Variants in TOPBP1 observed in about 807,000 individuals in gnomAD.
The protein encoded by TOPBP1 is DNA topoisomerase II binding protein 1.
Under a neutral mutation model 167.7 loss-of-function variants are expected in TOPBP1, and 28 were observed. That is an observed-to-expected ratio of 0.17 (90% CI 0.12 to 0.23). The LOEUF is 0.23. TOPBP1 is among the 10% of genes least tolerant of loss of function. The probability of loss-of-function intolerance (pLI) is 1.00; values close to 1 mark genes in which losing one functional copy is unlikely to be tolerated. For missense variants in TOPBP1, 1,554 were observed against 1,809.6 expected (o/e 0.86, Z 2.56); for synonymous variants, 598 against 611.4 (o/e 0.98, Z 0.32).
At chr3:133,615,094 A>G (rs1934821088) in intron 23 of TOPBP1, among the ~76,000 whole-genome samples, 1 of 150,182 alleles carries the variant, frequency 6.7e-6, no homozygotes, top group Non-Finnish European at 1.5e-5. Context: ...TTTTTAAAGC[A>G]TATCATAGTT....
At chr3:133,611,212 C>T in intron 24 of TOPBP1, 71 bp from the exon 25 acceptor site, 1 of 1,399,260 alleles carries the variant, frequency 7.1e-7, no homozygotes, top group Non-Finnish European at 9.6e-7. Context: ...CAGGGCTCCT[C>T]AAGGAGCCCA....
chr3:133,650,013 T>C, intron 8 of TOPBP1, 70 bp from the exon 9 acceptor site: 1 of 1,275,220 alleles, frequency 7.8e-7, no homozygotes, highest in Middle Eastern at 2.2e-4. Context: ...AAAATATATA[T>C]CTAAATCCAC....
rs559330359 is a variant in TOPBP1 at position 133,612,446 on chromosome 3, C to A, written c.3978G>T (p.Lys1326Asn). ...EKYLASVAAG[K>N]WVLHRSYLEA... ...CAAGGTAGGAGCGATGAAGCACCCACTTCCCAGCTGCCACTGAGGCTAAAT... is the reference window on the plus strand; with the variant it reads ...CAAGGTAGGAGCGATGAAGCACCCAATTCCCAGCTGCCACTGAGGCTAAAT... Residue 1326 changes from lysine to asparagine, a missense_variant, in exon 24 of 28, where the codon AAG (lysine) becomes AAT (asparagine). This residue lies in a region of TOPBP1 where 351 missense variants were observed against 432.9 expected (regional missense o/e 0.81). Coordinates refer to ENST00000260810, the MANE Select transcript of TOPBP1 (RefSeq NM_007027.4). The A allele has an allele frequency of 4.3e-6, 7 of 1,613,996 alleles. No individual in the cohort carries two copies. The highest frequency in any genetic ancestry group is 5.9e-6 in the Non-Finnish European group (7 of 1,179,870).
chr3:133,607,187 G>C (rs1934522513), intron 27 of TOPBP1, among the ~76,000 whole-genome samples: 1 of 152,046 alleles, frequency 6.6e-6, no homozygotes, highest in Admixed American at 6.5e-5. Flanking sequence ...TCAGATTTTG[G>C]AATATTTATA....
intron 5 of TOPBP1, among the ~76,000 whole-genome samples, chr3:133,656,043 G>A (rs1936469227): frequency 6.6e-6 from 1 of 151,342 alleles, no homozygotes; most frequent in Non-Finnish European, 1.5e-5. Flanking sequence ...TAATTCGTAT[G>A]CCAATACAAT....
chr3:133,620,039 A>G (rs1477227960), intron 20 of TOPBP1, 116 bp downstream of exon 20: 4 of 1,139,724 alleles, frequency 3.5e-6, no homozygotes, highest in Non-Finnish European at 4.8e-6. Flanking sequence ...CATATTGGGG[A>G]AAAAAAGAAA....
chr3:133,628,285 T>A, intron 16 of TOPBP1, 77 bp downstream of exon 16: 1 of 1,281,246 alleles, frequency 7.8e-7, no homozygotes, highest in Non-Finnish European at 1.1e-6. Context: ...TGTATTCTTG[T>A]AGATGCTCAC....
rs555643128 is a variant in TOPBP1, at chr3:133,625,243, G to A, written c.2805-1068C>T. On this transcript the variant is annotated intron_variant, in intron 16 of 27. Coordinates refer to ENST00000260810, the MANE Select transcript of TOPBP1 (RefSeq NM_007027.4). The stretch of plus-strand genomic sequence containing the variant: ...CGCTCCCAAAGTGCTGGGATTACAC[G>A]CATGAGCCACCGTGCCCGGCCGCTA... 2.0e-5 allele frequency among the ~76,000 whole-genome samples: 3 copies of A among 152,310 alleles called. No individual in the cohort carries two copies. The East Asian group carries it at 5.8e-4, about 29-fold the overall frequency.
intron 27 of TOPBP1, among the ~76,000 whole-genome samples, chr3:133,601,899 CAAGT>C (rs1347512627): frequency 1.3e-5 from 2 of 152,030 alleles, no homozygotes; most frequent in Non-Finnish European, 2.9e-5. Context: ...CACAAAATAC[CAAGT>C]AAGTGCCTTT....
chr3:133,653,396 T>C lies in TOPBP1; in HGVS notation c.871A>G (p.Lys291Glu), dbSNP rs764761556. 6.2e-7 allele frequency: 1 copy of C among 1,612,440 alleles called. No homozygotes were observed. Residue 291 changes from lysine to glutamate, a missense_variant, in exon 7 of 28, where the codon AAG (lysine) becomes GAG (glutamate). Coordinates refer to ENST00000260810, the MANE Select transcript of TOPBP1 (RefSeq NM_007027.4). ...IYKTEPRPEA[K>E]TMPNSSTPTS... is the part of the protein sequence containing the mutation. ...GGAGTTGAAGAATTGGGCATAGTCTTTGCTTCTGGTCTAGGTTCTGTCTTG... is the reference window on the plus strand; with the variant it reads ...GGAGTTGAAGAATTGGGCATAGTCTCTGCTTCTGGTCTAGGTTCTGTCTTG...
intron 14 of TOPBP1, among the ~76,000 whole-genome samples, chr3:133,630,528 G>T (rs570006224): frequency 4.6e-5 from 7 of 151,894 alleles, no homozygotes; most frequent in Non-Finnish European, 8.8e-5. Context: ...AAACTCCTAG[G>T]CTCAAGCAAT....
intron 14 of TOPBP1, among the ~76,000 whole-genome samples, chr3:133,636,683 T>A (rs1444895051): frequency 6.6e-6 from 1 of 152,200 alleles, no homozygotes; most frequent in Non-Finnish European, 1.5e-5. Context: ...CCAATATTAT[T>A]ACATTTGCTC....
intron 2 of TOPBP1, among the ~76,000 whole-genome samples, chr3:133,660,448 A>T (rs1383182976): frequency 6.6e-6 from 1 of 152,262 alleles, no homozygotes; most frequent in Non-Finnish European, 1.5e-5. Flanking sequence ...TGAACACTTC[A>T]ATAAATACTT....
rs1179203888 is a variant in TOPBP1, at chr3:133,601,222, A to G, written c.*28T>C. The G allele has an allele frequency of 6.4e-7, 1 of 1,567,662 alleles. No homozygotes were observed. The highest frequency in any genetic ancestry group is 8.6e-7 in the Non-Finnish European group (1 of 1,163,762). On this transcript the variant is annotated 3_prime_UTR_variant, in exon 28 of 28. Coordinates refer to ENST00000260810, the MANE Select transcript of TOPBP1 (RefSeq NM_007027.4). ...GGCTTTCAATTTTTAAAAACATTTA[A>G]TGTTTGGTAACTAAAGGGTAGATGC...
At chr3:133,612,733 T>C (rs1307130363) in intron 23 of TOPBP1, among the ~76,000 whole-genome samples, 181 bp from the exon 24 acceptor site, 2 of 152,042 alleles carry the variant, frequency 1.3e-5, no homozygotes, top group Non-Finnish European at 2.9e-5. Context: ...TATTAAAATG[T>C]TTATTATGAA....
At chr3:133,634,612 T>C (rs920535642) in intron 14 of TOPBP1, among the ~76,000 whole-genome samples, 48 of 152,190 alleles carry the variant, frequency 3.2e-4, no homozygotes, top group Middle Eastern at 3.4e-3. Flanking sequence ...TAGATTGGCA[T>C]CAGATTTTTT....
At chr3:133,646,651 CAA>C (rs561099781) in intron 10 of TOPBP1, among the ~76,000 whole-genome samples, 53 of 100,196 alleles carry the variant, frequency 5.3e-4, no homozygotes, top group Admixed American at 5.5e-4. Flanking sequence ...ACCCTGTCTC[CAA>C]AAAAAAAAAA....
In TOPBP1 at chr3:133,649,913, G is replaced by A. The variant is rs1936226759; in HGVS notation, c.1120C>T (p.Leu374=). ...IYLCGFSGRK[L]DKLRRLINSG... The stretch of plus-strand genomic sequence containing the variant: ...TTAATAAGTCTTCTCAGTTTATCTA[G>A]CTTTCTGCCACTAAAACCGCAAAGA... Residue 374 remains leucine, a synonymous_variant, in exon 9 of 28, where the codon CTA becomes TTA. Coordinates refer to ENST00000260810, the MANE Select transcript of TOPBP1 (RefSeq NM_007027.4). 2 of 1,602,488 alleles carry A rather than the reference G, an allele frequency of 1.2e-6. No homozygotes were observed.
At chr3:133,619,296 G>A (rs1935007945) in intron 20 of TOPBP1, among the ~76,000 whole-genome samples, 1 of 152,026 alleles carries the variant, frequency 6.6e-6, no homozygotes, top group African/African-American at 2.4e-5. Context: ...GATAAAACAT[G>A]ATCTGAAGCA....
Sources: allele counts gnomAD v4.1 joint callset (sites outside exome capture counted in the v4.1 genomes callset), GRCh38; gene constraint gnomAD v4.1.1; regional missense constraint gnomAD v4.1.1; transcripts MANE v1.5; gene names NCBI Gene and HGNC (gene_info 2026-07-23, HGNC 2026-07-21).